LUZP1: variants seen among roughly 807,000 people sequenced by gnomAD.
LUZP1 encodes leucine zipper protein 1.
Under a neutral mutation model 71.3 loss-of-function variants are expected in LUZP1, and 25 were observed. That is an observed-to-expected ratio of 0.35 (90% CI 0.26 to 0.49). The LOEUF (loss-of-function observed/expected upper bound fraction) is 0.49, where lower values mean the gene tolerates loss of function less well. LUZP1 is among the 20% of genes least tolerant of loss of function. The pLI is 0.99. For missense variants in LUZP1, 1,142 were observed against 1,300.8 expected, an observed-to-expected ratio of 0.88 and a Z score of 1.88; for synonymous variants, 481 against 506.4, an observed-to-expected ratio of 0.95 and a Z score of 0.67.
intron 3 of LUZP1, among the ~76,000 whole-genome samples, chr1:23,105,280 G>C (rs990749012): frequency 1.3e-5 from 2 of 152,140 alleles, no homozygotes; most frequent in African/African-American, 2.4e-5. Context: ...AAGATTGCAT[G>C]AACGAATCTG....
chr1:23,171,076 G>A (rs942575112), intron 1 of LUZP1, among the ~76,000 whole-genome samples: 3 of 146,532 alleles, frequency 2.0e-5, no homozygotes, highest in African/African-American at 5.2e-5. Flanking sequence ...GTGACAGATC[G>A]AGACCCTGTC....
At chr1:23,160,082 TACAC>T (rs1644452406) in intron 2 of LUZP1, among the ~76,000 whole-genome samples, 1 of 152,204 alleles carries the variant, frequency 6.6e-6, no homozygotes, top group African/African-American at 2.4e-5. Flanking sequence ...TGATTTAAAA[TACAC>T]AGTAGGTACC....
intron 2 of LUZP1, among the ~76,000 whole-genome samples, chr1:23,111,489 A>C (rs1437304957): frequency 6.6e-6 from 1 of 152,108 alleles, no homozygotes; most frequent in African/African-American, 2.4e-5. Flanking sequence ...GGAGCCCAGA[A>C]GTTTGAGGCT....
At chr1:23,160,453 C>T (rs1033721578) in intron 2 of LUZP1, among the ~76,000 whole-genome samples, 1 of 152,192 alleles carries the variant, frequency 6.6e-6, no homozygotes, top group Non-Finnish European at 1.5e-5. Flanking sequence ...GTTAATTCTA[C>T]ACCAGTGACA....
chr1:23,111,199 C>CAA (rs56805419), intron 2 of LUZP1, among the ~76,000 whole-genome samples: 1 of 96,264 alleles, frequency 1.0e-5, no homozygotes, highest in Admixed American at 1.1e-4. Flanking sequence ...GACGCTGTCT[C>CAA]AAAAAAAAAA....
At chr1:23,158,649 A>G (rs1331773484) in intron 2 of LUZP1, among the ~76,000 whole-genome samples, 1 of 37,574 alleles carries the variant, frequency 2.7e-5, no homozygotes. Flanking sequence ...CTCTGTCTCA[A>G]AAAAAAAAAA....
At chr1:23,176,701 AAG>A (rs1335105093) in intron 1 of LUZP1, among the ~76,000 whole-genome samples, 3 of 152,138 alleles carry the variant, frequency 2.0e-5, no homozygotes, top group Admixed American at 1.3e-4. Flanking sequence ...ACCCTATAGA[AAG>A]AGTCTCAAGA....
At chr1:23,096,055 CA>C (rs1643890193) in intron 3 of LUZP1, among the ~76,000 whole-genome samples, 1 of 149,106 alleles carries the variant, frequency 6.7e-6, no homozygotes, top group South Asian at 2.1e-4. Flanking sequence ...AAAAAAGAAC[CA>C]AAGTTACTAA....
intron 1 of LUZP1, among the ~76,000 whole-genome samples, chr1:23,174,138 G>A (rs1052270919): frequency 2.0e-5 from 3 of 152,126 alleles, no homozygotes; most frequent in Non-Finnish European, 4.4e-5. Context: ...GCAAGCTGGA[G>A]AACCAGAAAA....
intron 2 of LUZP1, among the ~76,000 whole-genome samples, chr1:23,157,198 A>G (rs954254778): frequency 6.6e-6 from 1 of 152,148 alleles, no homozygotes; most frequent in African/African-American, 2.4e-5. Flanking sequence ...TAGATGTGGT[A>G]GTGCGTGCCT....
chr1:23,175,191 A>G (rs1644575452), intron 1 of LUZP1, among the ~76,000 whole-genome samples: 1 of 152,168 alleles, frequency 6.6e-6, no homozygotes, highest in Non-Finnish European at 1.5e-5. Context: ...AGACATGTGC[A>G]ACATCAAAGC....
At chr1:23,115,303 T>C (rs534544090) in intron 2 of LUZP1, among the ~76,000 whole-genome samples, 10 of 152,296 alleles carry the variant, frequency 6.6e-5, no homozygotes, top group African/African-American at 2.4e-4. Context: ...GAGACCTTTT[T>C]AGGAAGCTAG....
chr1:23,113,668 T>C (rs1644053310), intron 2 of LUZP1, among the ~76,000 whole-genome samples: 1 of 151,840 alleles, frequency 6.6e-6, no homozygotes, highest in Non-Finnish European at 1.5e-5. Flanking sequence ...GATCACGAGA[T>C]CAGGAGATCG....
intron 2 of LUZP1, among the ~76,000 whole-genome samples, chr1:23,143,979 A>G (rs1016814225): frequency 6.6e-6 from 1 of 152,174 alleles, no homozygotes; most frequent in African/African-American, 2.4e-5. Flanking sequence ...TTCAATCATA[A>G]CTCAGTCTAA....
intron 2 of LUZP1, among the ~76,000 whole-genome samples, chr1:23,110,904 T>A (rs968269400): frequency 2.0e-5 from 3 of 151,304 alleles, no homozygotes; most frequent in African/African-American, 7.3e-5. Flanking sequence ...AAGAGAAGAG[T>A]TACTGATAGT....
chr1:23,096,262 A>C (rs1208101887), intron 3 of LUZP1, among the ~76,000 whole-genome samples: 1 of 152,198 alleles, frequency 6.6e-6, no homozygotes, highest in East Asian at 1.9e-4. Context: ...AGATATTAAT[A>C]GTGGTCAAGA....
intron 3 of LUZP1, among the ~76,000 whole-genome samples, chr1:23,100,320 A>T (rs1643920898): frequency 6.6e-6 from 1 of 152,224 alleles, no homozygotes; most frequent in Non-Finnish European, 1.5e-5. Context: ...ATCATGGATT[A>T]CAAAGGAGAA....
chr1:23,125,459 G>T (rs867746002), intron 2 of LUZP1, among the ~76,000 whole-genome samples: 1 of 151,892 alleles, frequency 6.6e-6, no homozygotes, highest in Non-Finnish European at 1.5e-5. Context: ...TTCATTTTAA[G>T]TGCATGTTAG....
chr1:23,166,511 C>A (rs1272719930), intron 2 of LUZP1, among the ~76,000 whole-genome samples: 2 of 151,654 alleles, frequency 1.3e-5, no homozygotes, highest in South Asian at 4.2e-4. Flanking sequence ...AAAAATTAAC[C>A]GGGCAAGGTG....
Sources: gnomAD v4.1 joint callset for allele counts (sites outside exome capture counted in the v4.1 genomes callset) on GRCh38, gnomAD v4.1.1 for gene constraint, MANE v1.5 for transcripts, NCBI Gene and HGNC (gene_info 2026-07-23, HGNC 2026-07-21) for gene names.